Variants in TGFBR2 observed in about 807,000 individuals in gnomAD.
TGFBR2 encodes TGF-beta receptor type-2.
A neutral mutation model predicts 49.0 loss-of-function variants in TGFBR2; 18 were observed. The ratio of observed to expected loss-of-function variants is 0.37; its 90% confidence interval spans 0.25 to 0.54. The LOEUF (loss-of-function observed/expected upper bound fraction) is 0.54. Among genes scored for constraint, TGFBR2 ranks in the 20% least tolerant of loss-of-function variants. TGFBR2 has a pLI of 0.85. For missense variants in TGFBR2, 525 were observed against 722.6 expected (o/e 0.73, Z 3.13); for synonymous variants, 282 against 275.9 (o/e 1.02, Z -0.22).
chr3:30,659,792 C>CATGT (rs963599203), intron 3 of TGFBR2, among the ~76,000 whole-genome samples: 8 of 151,836 alleles, frequency 5.3e-5, no homozygotes, highest in African/African-American at 1.7e-4. Context: ...CTGCGGCCTC[C>CATGT]ATGTGTTCCA....
At position 30,625,706 on chromosome 3, in the gene TGFBR2, A is replaced by G. The variant is rs377025525; in HGVS notation, c.94+18729A>G. Among the ~76,000 whole-genome samples the G allele has an allele frequency of 3.9e-5, 6 of 152,364 alleles. No homozygotes were observed. The East Asian group carries it at 7.7e-4, about 20-fold the overall frequency. ...TGTTTATGATTCCTGCCTCATCTCC[A>G]AATGGTACTAGAGTTTGAGTCATAT... On this transcript the variant is annotated intron_variant, in intron 1 of 6. Transcript: ENST00000295754.
At chr3:30,685,706 C>G (rs965608643) in intron 5 of TGFBR2, among the ~76,000 whole-genome samples, 2 of 152,088 alleles carry the variant, frequency 1.3e-5, no homozygotes, top group Non-Finnish European at 2.9e-5. Flanking sequence ...GTCATGTCCA[C>G]GAATCTCTAG....
intron 6 of TGFBR2, among the ~76,000 whole-genome samples, chr3:30,689,868 T>C (rs1699684418): frequency 6.6e-6 from 1 of 152,242 alleles, no homozygotes; most frequent in African/African-American, 2.4e-5. Context: ...TGTTGCCCTA[T>C]TGATTTCAAG....
chr3:30,606,930 T>A lies in TGFBR2; in HGVS notation c.47T>A (p.Leu16Gln). 2.5e-6 allele frequency: 4 copies of A among 1,601,254 alleles called. No homozygotes were observed. The highest frequency in any genetic ancestry group is 3.4e-6 in the Non-Finnish European group (4 of 1,174,002). Residue 16 changes from leucine to glutamine, a missense_variant, in exon 1 of 7, where the codon CTG becomes CAG. Transcript: ENST00000295754. ...GGCCTGTGGCCGCTGCACATCGTCC[T>A]GTGGACGCGTATCGCCAGCACGATC... ...LRGLWPLHIV[L>Q]WTRIASTIPP...
intron 1 of TGFBR2, among the ~76,000 whole-genome samples, chr3:30,620,958 C>T (rs1220958905): frequency 6.6e-6 from 1 of 152,148 alleles, no homozygotes; most frequent in Non-Finnish European, 1.5e-5. Flanking sequence ...AAATATGAGG[C>T]CTTTCTTACC....
chr3:30,689,847 A>T (rs888701202), intron 6 of TGFBR2, among the ~76,000 whole-genome samples: 2 of 152,174 alleles, frequency 1.3e-5, no homozygotes, highest in African/African-American at 2.4e-5. Flanking sequence ...ATTTTTTCTC[A>T]TAATGAGATT....
intron 1 of TGFBR2, among the ~76,000 whole-genome samples, chr3:30,629,999 C>A (rs887129458): frequency 6.6e-6 from 1 of 152,102 alleles, no homozygotes; most frequent in Admixed American, 6.6e-5. Context: ...ATTTCCTCCC[C>A]TCCTCCCCCA....
At chr3:30,674,414 G>C (rs1177916353) in intron 5 of TGFBR2, among the ~76,000 whole-genome samples, 168 bp downstream of exon 5, 1 of 152,156 alleles carries the variant, frequency 6.6e-6, no homozygotes, top group Non-Finnish European at 1.5e-5. Context: ...AAACAGCCTA[G>C]GTTTTTAAAC....
At chr3:30,671,150 T>C (rs1431537000) in intron 3 of TGFBR2, among the ~76,000 whole-genome samples, 1 of 152,198 alleles carries the variant, frequency 6.6e-6, no homozygotes, top group Non-Finnish European at 1.5e-5. Flanking sequence ...GTCTTTTTAT[T>C]TGGCAATATT....
chr3:30,672,874 T>A lies in TGFBR2; in HGVS notation c.1254+437T>A, dbSNP rs1353212562. On this transcript the variant is annotated intron_variant, in intron 4 of 6. Coordinates refer to ENST00000295754, the MANE Select transcript of TGFBR2 (RefSeq NM_003242.6). This position sits in a 1 kb window ranked among gnomAD's most constrained non-coding sequence, Gnocchi z 4.5. Reference sequence around the variant, plus strand: ...AATCTCCCTGAAGTCCAAATCTACATCCACATGGTCACCCAAGATATGTAG... The same window carrying A: ...AATCTCCCTGAAGTCCAAATCTACAACCACATGGTCACCCAAGATATGTAG... Among the ~76,000 whole-genome samples, 3 of 152,198 alleles carry A rather than the reference T, an allele frequency of 2.0e-5. No homozygotes were observed. The highest frequency in any genetic ancestry group is 4.8e-5 in the African/African-American group (2 of 41,438).
At chr3:30,614,102 C>A (rs1698086632) in intron 1 of TGFBR2, among the ~76,000 whole-genome samples, 2 of 134,418 alleles carry the variant, frequency 1.5e-5, no homozygotes. Context: ...TAGCTCTATA[C>A]TTTTTTTCTT....
chr3:30,656,170 C>T (rs1355660290), intron 3 of TGFBR2, among the ~76,000 whole-genome samples: 1 of 152,154 alleles, frequency 6.6e-6, no homozygotes, highest in Non-Finnish European at 1.5e-5. Context: ...TGGAAATGAA[C>T]TAAATATACT....
intron 3 of TGFBR2, among the ~76,000 whole-genome samples, chr3:30,663,059 G>T (rs983033829): frequency 6.6e-6 from 1 of 152,100 alleles, no homozygotes; most frequent in African/African-American, 2.4e-5. Flanking sequence ...TTAGAATAAC[G>T]AGGTGACAAG....
chr3:30,685,410 G>A (rs1019072952), intron 5 of TGFBR2, among the ~76,000 whole-genome samples: 6 of 152,134 alleles, frequency 3.9e-5, no homozygotes, highest in African/African-American at 7.2e-5. Context: ...CTTCCTTGGC[G>A]GCTGTGTTGG....
intron 1 of TGFBR2, among the ~76,000 whole-genome samples, chr3:30,614,954 T>C (rs936527694): frequency 3.3e-5 from 5 of 152,342 alleles, no homozygotes; most frequent in African/African-American, 1.2e-4. Context: ...TTCTAGTGTT[T>C]TAGCATTCTT....
chr3:30,654,510 C>T (rs570895181), intron 3 of TGFBR2, among the ~76,000 whole-genome samples: 1 of 152,334 alleles, frequency 6.6e-6, no homozygotes, highest in East Asian at 1.9e-4. Context: ...TGTTCTCTCA[C>T]ATTCATGCTT....
At chr3:30,656,463 C>T (rs1383136979) in intron 3 of TGFBR2, among the ~76,000 whole-genome samples, 1 of 152,190 alleles carries the variant, frequency 6.6e-6, no homozygotes, top group Non-Finnish European at 1.5e-5. Flanking sequence ...GTACAAGATA[C>T]TGTTTTGAAC....
intron 3 of TGFBR2, among the ~76,000 whole-genome samples, chr3:30,658,212 G>A (rs775184483): frequency 1.3e-5 from 2 of 152,176 alleles, no homozygotes; most frequent in African/African-American, 2.4e-5. Flanking sequence ...TCTCTCAAAT[G>A]CTAACTACCA....
chr3:30,678,343 C>T (rs970444568), intron 5 of TGFBR2, among the ~76,000 whole-genome samples: 3 of 151,942 alleles, frequency 2.0e-5, no homozygotes, highest in Admixed American at 6.6e-5. Flanking sequence ...GTCAGGAGAT[C>T]GAGACCATCC....
Sources: allele counts gnomAD v4.1 joint callset (sites outside exome capture counted in the v4.1 genomes callset), GRCh38; gene constraint gnomAD v4.1.1; non-coding constraint Gnocchi (gnomAD v3.1); transcripts MANE v1.5; gene names NCBI Gene and HGNC (gene_info 2026-07-23, HGNC 2026-07-21).